The following ACLY variants were observed in gnomAD, a reference collection of about 807,000 sequenced individuals.
The protein encoded by ACLY is ATP-citrate synthase.
Under a neutral mutation model 133.0 loss-of-function variants are expected in ACLY, and 41 were observed. The observed-to-expected ratio is 0.31, with a 90% CI of 0.24 to 0.40. The LOEUF is 0.40. Ranked by LOEUF, ACLY falls within the 10% of genes least tolerant of loss-of-function variation. ACLY has a pLI of 1.00. For missense variants in ACLY, 1,046 were observed against 1,453.8 expected, an observed-to-expected ratio of 0.72 and a Z score of 4.56; for synonymous variants, 495 against 549.3, an observed-to-expected ratio of 0.90 and a Z score of 1.38.
rs554328101 is a variant in ACLY, at chr17:41,909,493, C to T, written c.536+17G>A. ...CTCATCCGAACTGCCACCTCCCTAC[C>T]GTCCCTCTCACTCAACTCTTTCTTG... On this transcript the variant is annotated intron_variant, in intron 5 of 28. Transcript: ENST00000352035. 2.5e-5 allele frequency: 40 copies of T among 1,611,362 alleles called. No homozygotes were observed. The highest frequency in any genetic ancestry group is 4.0e-5 in the African/African-American group (3 of 74,882).
intron 12 of ACLY, 41 bp from the exon 13 acceptor site, chr17:41,897,880 C>T (rs1415239724): frequency 1.3e-6 from 2 of 1,565,692 alleles, no homozygotes; most frequent in African/African-American, 1.4e-5. Flanking sequence ...GTAAGAGTCA[C>T]ACCTGGGAAA....
At chr17:41,895,141 C>T (rs1260664450) in intron 14 of ACLY, among the ~76,000 whole-genome samples, 2 of 152,144 alleles carry the variant, frequency 1.3e-5, no homozygotes, top group African/African-American at 2.4e-5. Context: ...GATTGAGGTC[C>T]GAGGTCATCC....
intron 3 of ACLY, 127 bp downstream of exon 3, chr17:41,912,293 G>A: frequency 7.6e-7 from 1 of 1,322,316 alleles, no homozygotes; most frequent in Non-Finnish European, 1.0e-6. Context: ...CAGCGCCACA[G>A]GACTCCTGCC....
chr17:41,904,988 C>G (rs2049667570), intron 9 of ACLY, among the ~76,000 whole-genome samples, 198 bp from the exon 10 acceptor site: 1 of 152,112 alleles, frequency 6.6e-6, no homozygotes, highest in Non-Finnish European at 1.5e-5. Flanking sequence ...TGCCACCAGA[C>G]AGGGGTCAGA....
At chr17:41,888,938 G>A (rs1299918785) in intron 16 of ACLY, among the ~76,000 whole-genome samples, 4 of 152,008 alleles carry the variant, frequency 2.6e-5, no homozygotes, top group Admixed American at 2.6e-4. Context: ...GACCAACATG[G>A]AGAAAACCCA....
chr17:41,922,406 G>A (rs1246137690), upstream of ACLY, among the ~76,000 whole-genome samples: 4 of 149,012 alleles, frequency 2.7e-5, no homozygotes, highest in South Asian at 2.1e-4. Flanking sequence ...GCAGTCAGCC[G>A]TGACTGCACC....
Position 41,900,655 on chromosome 17 carries a change from G to A in ACLY, c.1183+1041C>T, listed in dbSNP as rs782724564. ...AGGGAGGATCACTTGAGCCCACAAGGTGGAGGCCGCAATGAGCTATGATGG... is the reference window on the plus strand; with the variant it reads ...AGGGAGGATCACTTGAGCCCACAAGATGGAGGCCGCAATGAGCTATGATGG... On this transcript the variant is annotated intron_variant, in intron 11 of 28. Coordinates refer to ENST00000352035, the MANE Select transcript of ACLY (RefSeq NM_001096.3). Among the ~76,000 whole-genome samples, 58 of 151,984 alleles carry A rather than the reference G, an allele frequency of 3.8e-4. 1 individual carries two copies. The highest frequency in any genetic ancestry group is 1.3e-4 in the Admixed American group (2 of 15,256).
At chr17:41,921,131 CA>C (rs34787014), upstream of ACLY, among the ~76,000 whole-genome samples, 114,367 of 131,534 alleles carry the variant, frequency 0.87, 49,839 homozygotes, top group East Asian at 0.99. Context: ...CATCTCAAAG[CA>C]AAAAAAAAAA....
intron 22 of ACLY, among the ~76,000 whole-genome samples, chr17:41,876,793 T>C (rs987639647): frequency 2.0e-5 from 3 of 152,162 alleles, no homozygotes; most frequent in African/African-American, 4.8e-5. Context: ...CCCAGGGTCC[T>C]CTGCCTAGGA....
chr17:41,925,869 G>A (rs2050237511), intron 1 of ACLY, among the ~76,000 whole-genome samples: 1 of 151,416 alleles, frequency 6.6e-6, no homozygotes, highest in Admixed American at 6.6e-5. Flanking sequence ...TTTTGAGAGA[G>A]AGTCTTGCTC....
At chr17:41,908,006 G>C (rs985426251) in intron 6 of ACLY, among the ~76,000 whole-genome samples, 2 of 152,186 alleles carry the variant, frequency 1.3e-5, no homozygotes, top group South Asian at 2.1e-4. Flanking sequence ...AAGCCTCAGT[G>C]TCAGGTGGAG....
At chr17:41,880,485 G>C (rs1394941478) in intron 20 of ACLY, among the ~76,000 whole-genome samples, 2 of 152,074 alleles carry the variant, frequency 1.3e-5, no homozygotes, top group Non-Finnish European at 1.5e-5. Flanking sequence ...AGAAACCCTA[G>C]GTTTAAAGAA....
intron 14 of ACLY, 40 bp from the exon 15 acceptor site, chr17:41,893,214 AC>A (rs782739857): frequency 2.5e-6 from 4 of 1,582,816 alleles, no homozygotes; most frequent in East Asian, 2.3e-5. Flanking sequence ...CAGAACACAT[AC>A]CCCCAGGAGA....
At chr17:41,921,008 C>A (rs193275104), upstream of ACLY, among the ~76,000 whole-genome samples, 251 of 151,196 alleles carry the variant, frequency 1.7e-3, no homozygotes, top group African/African-American at 5.6e-3. Flanking sequence ...GCAGGAGAAT[C>A]GCTTGAACCC....
Position 41,901,754 on chromosome 17 carries a change from G to T in ACLY, c.1125C>A (p.Ile375=). ...AGTTGGGGCCACCTCTTCGGACAAA[G>T]ATTGTGACTTCGTGCTCCTTCAGGG... is the stretch of plus-strand genomic sequence containing the variant. The part of the protein sequence containing the change: ...QGPLKEHEVT[I]FVRRGGPNYQ... The change falls in exon 11 of 29, where the codon ATC becomes ATA. Residue 375 remains isoleucine, a synonymous_variant. Coordinates refer to ENST00000352035, the MANE Select transcript of ACLY (RefSeq NM_001096.3). 1 of 1,608,594 alleles carries T rather than the reference G, an allele frequency of 6.2e-7. No individual in the cohort carries two copies.
At chr17:41,903,956 C>T (rs1173758638) in intron 10 of ACLY, among the ~76,000 whole-genome samples, 8 of 150,252 alleles carry the variant, frequency 5.3e-5, no homozygotes, top group Non-Finnish European at 1.2e-4. Context: ...TGCTCCACTA[C>T]AAATACAAAA....
In ACLY at chr17:41,875,385, C is replaced by G. The variant is rs1278265949; in HGVS notation, c.2488-1420G>C. Among the ~76,000 whole-genome samples, 3 of 147,324 alleles carry G rather than the reference C, an allele frequency of 2.0e-5. No individual in the cohort carries two copies. In the East Asian group the frequency reaches 6.3e-4, roughly 31 times the overall value. The stretch of plus-strand genomic sequence containing the variant: ...AAAAAAGGGGGGACGAGATACGTGG[C>G]TAAAGAAATGGGGGAGCCCCCCTCC... On this transcript the variant is annotated intron_variant, in intron 22 of 28. Coordinates refer to ENST00000352035, the MANE Select transcript of ACLY (RefSeq NM_001096.3).
At chr17:41,893,248 G>C in intron 14 of ACLY, 74 bp from the exon 15 acceptor site, 1 of 1,508,998 alleles carries the variant, frequency 6.6e-7, no homozygotes, top group Non-Finnish European at 8.9e-7. Context: ...AGGGCTGCCT[G>C]ACAGACCCCT....
intron 10 of ACLY, among the ~76,000 whole-genome samples, chr17:41,903,377 C>T (rs1274130577): frequency 6.6e-6 from 1 of 152,108 alleles, no homozygotes; most frequent in African/African-American, 2.4e-5. Context: ...TGAGAAGACC[C>T]CAGTAGGATG....
Sources: allele counts gnomAD v4.1 joint callset (sites outside exome capture counted in the v4.1 genomes callset), GRCh38; gene constraint gnomAD v4.1.1; transcripts MANE v1.5; gene names NCBI Gene and HGNC (gene_info 2026-07-23, HGNC 2026-07-21).